Variants in PITPNM3 observed in about 807,000 individuals in gnomAD.
PITPNM3 encodes the protein PITPNM family member 3.
Under a neutral mutation model 102.0 loss-of-function variants are expected in PITPNM3, and 26 were observed. That is an observed-to-expected ratio of 0.25 (90% CI 0.19 to 0.35). The LOEUF is 0.35. PITPNM3 is among the 10% of genes least tolerant of loss of function. The pLI is 1.00. For synonymous variants in PITPNM3, 578 were observed against 558.6 expected, an observed-to-expected ratio of 1.03 and a Z score of -0.49; for missense variants, 1,083 against 1,346.1, an observed-to-expected ratio of 0.80 and a Z score of 3.06.
intron 3 of PITPNM3, among the ~76,000 whole-genome samples, chr17:6,522,828 T>C (rs532763169): frequency 1.3e-5 from 2 of 152,272 alleles, no homozygotes; most frequent in East Asian, 3.9e-4. Flanking sequence ...CCTTACTGCA[T>C]AGTAACCCCT....
intron 4 of PITPNM3, among the ~76,000 whole-genome samples, chr17:6,495,281 G>GT (rs957530260): frequency 7.9e-5 from 12 of 151,330 alleles, no homozygotes; most frequent in African/African-American, 2.7e-4. Context: ...TAGCAGGGTG[G>GT]TTTTTTTTTA....
intron 1 of PITPNM3, among the ~76,000 whole-genome samples, chr17:6,551,410 A>G (rs1167432949): frequency 2.0e-5 from 3 of 151,998 alleles, no homozygotes; most frequent in African/African-American, 7.2e-5. Flanking sequence ...GTCTGATTTG[A>G]CCATATTTGA....
intron 9 of PITPNM3, 146 bp downstream of exon 9, chr17:6,476,883 A>T: frequency 2.0e-6 from 2 of 985,490 alleles, no homozygotes; most frequent in Non-Finnish European, 1.5e-6. Context: ...CCCTCAGTAC[A>T]GGGCCGATGG....
In PITPNM3 at chr17:6,474,591, C is replaced by T. The variant is rs774462906; in HGVS notation, c.1099G>A (p.Val367Met). Residue 367 changes from valine (V) to methionine (M), a missense_variant, in exon 10 of 20, where the codon GTG becomes ATG. Transcript: ENST00000262483. Reference sequence around the variant, plus strand: ...GGGGTCTCAGACTCATCCTTTAGCACGCTGGAGTGGATGCTGCGGAGGGAG... The same window carrying T: ...GGGGTCTCAGACTCATCCTTTAGCATGCTGGAGTGGATGCTGCGGAGGGAG... The part of the protein sequence containing the change: ...HAFLSSIHSS[V>M]LKDESETPAA... 1.5e-5 allele frequency: 23 copies of T among 1,570,664 alleles called. No homozygotes were observed. In the East Asian group the frequency reaches 3.6e-4, roughly 24 times the overall value.
intron 4 of PITPNM3, among the ~76,000 whole-genome samples, chr17:6,491,914 A>T (rs1291311182): frequency 1.3e-5 from 1 of 74,148 alleles, no homozygotes; most frequent in East Asian, 2.9e-4. Context: ...CATGGCTCAC[A>T]ACTGTAATAT....
At chr17:6,497,349 C>A (rs1387546079) in intron 4 of PITPNM3, among the ~76,000 whole-genome samples, 1 of 152,200 alleles carries the variant, frequency 6.6e-6, no homozygotes, top group Non-Finnish European at 1.5e-5. Context: ...GAAGTCAAAC[C>A]ACATGCCCAC....
Position 6,464,150 on chromosome 17 carries a change from G to A in PITPNM3, c.2156+20C>T, listed in dbSNP as rs75323938. 24,260 of 1,614,096 alleles carry A rather than the reference G, an allele frequency of 0.015. 227 individuals are homozygous for A. The highest frequency in any genetic ancestry group is 0.019 in the Non-Finnish European group (22,113 of 1,179,998). ...ATAGAAATGAGAGAAACCACCCTGA[G>A]AATGGCCCCTGGGTCTTACCTGACG... On this transcript the variant is annotated intron_variant, in intron 16 of 19. Transcript: ENST00000262483.
intron 3 of PITPNM3, among the ~76,000 whole-genome samples, chr17:6,506,383 T>C (rs893162088): frequency 6.7e-6 from 1 of 150,106 alleles, no homozygotes; most frequent in Non-Finnish European, 1.5e-5. Context: ...TTCTCTCTTT[T>C]TTTTTTTTTG....
At position 6,502,262 on chromosome 17, in the gene PITPNM3, G is replaced by A. The variant is rs190935923; in HGVS notation, c.274+1265C>T. Among the ~76,000 whole-genome samples, 866 of 152,324 alleles carry A rather than the reference G, an allele frequency of 5.7e-3. 9 individuals are homozygous for A. Among genetic ancestry groups the A allele is most frequent in the African/African-American group, 0.019 (802 of 41,578 alleles). On this transcript the variant is annotated intron_variant, in intron 4 of 19. Transcript: ENST00000262483. ...GTCAGGAGTTCAAGAGTAGTAGCCC[G>A]GCCAACATGGCAAAACCCCATCTCT...
chr17:6,535,424 G>A (rs945113811), intron 2 of PITPNM3, among the ~76,000 whole-genome samples: 5 of 152,158 alleles, frequency 3.3e-5, no homozygotes, highest in East Asian at 1.9e-4. Context: ...GAATGGAAAG[G>A]AGGTTAGCAG....
intron 4 of PITPNM3, among the ~76,000 whole-genome samples, chr17:6,495,349 G>A (rs1906736908): frequency 6.6e-6 from 1 of 152,082 alleles, no homozygotes; most frequent in African/African-American, 2.4e-5. Context: ...AAGGTTTGTG[G>A]CAGAGCTTCC....
rs754442529 is a variant in PITPNM3 at position 6,471,176 on chromosome 17, C to T, written c.1609G>A (p.Val537Met). Residue 537 changes from valine to methionine, a missense_variant, in exon 12 of 20, where the codon GTG (valine) becomes ATG (methionine). Coordinates refer to ENST00000262483, the MANE Select transcript of PITPNM3 (RefSeq NM_031220.4). ...SSESSDSMAPVGASRITAKWW... is the reference protein window; with the variant it reads ...SSESSDSMAPMGASRITAKWW... ...CCTCACTCACTGCGGGAGGCACCCACGGGTGCCATGCTGTCCGAGGACTCC... is the reference window on the plus strand; with the variant it reads ...CCTCACTCACTGCGGGAGGCACCCATGGGTGCCATGCTGTCCGAGGACTCC... The T allele has an allele frequency of 1.9e-5, 31 of 1,612,456 alleles. No individual in the cohort carries two copies. The highest frequency in any genetic ancestry group is 1.2e-4 in the African/African-American group (9 of 74,890).
chr17:6,512,100 T>G (rs1907899675), intron 3 of PITPNM3, among the ~76,000 whole-genome samples: 1 of 152,322 alleles, frequency 6.6e-6, no homozygotes, highest in Admixed American at 6.5e-5. Context: ...CAACCCCTGC[T>G]TATGCCAAGC....
intron 17 of PITPNM3, 22 bp from the exon 18 acceptor site, chr17:6,461,578 G>C: frequency 6.2e-7 from 1 of 1,613,168 alleles, no homozygotes; most frequent in Non-Finnish European, 8.5e-7. Context: ...GCATTAGAAG[G>C]GTCCAGCCCT....
chr17:6,464,129 A>G, intron 16 of PITPNM3, 41 bp downstream of exon 16: 1 of 1,613,956 alleles, frequency 6.2e-7, no homozygotes. Flanking sequence ...AGGGCCATAG[A>G]AATGAGAGAA....
In PITPNM3 at chr17:6,451,631, C is replaced by G. The variant is rs553844137; in HGVS notation, c.*3707G>C. 2.0e-5 allele frequency: 3 copies of G among 152,398 alleles called. No individual in the cohort carries two copies. The highest frequency in any genetic ancestry group is 6.5e-5 in the Admixed American group (1 of 15,306). The allele number at this position is 152,398 out of a possible 1,614,324, so 9.4% of individuals were successfully genotyped here. On this transcript the variant is annotated 3_prime_UTR_variant, in exon 20 of 20. Coordinates refer to ENST00000262483, the MANE Select transcript of PITPNM3 (RefSeq NM_031220.4). ...AGTCGCCCTCCTCTGGCCTGCCCCC[C>G]CTCGGGTCACCTGTTTCTCCTTTGC... is the stretch of plus-strand genomic sequence containing the variant.
At chr17:6,550,543 T>A (rs1910249553) in intron 1 of PITPNM3, among the ~76,000 whole-genome samples, 1 of 152,194 alleles carries the variant, frequency 6.6e-6, no homozygotes, top group Non-Finnish European at 1.5e-5. Context: ...GGGGAAAGGA[T>A]GCCGGATCTC....
intron 4 of PITPNM3, among the ~76,000 whole-genome samples, chr17:6,498,553 G>A (rs377083021): frequency 2.6e-5 from 4 of 152,250 alleles, no homozygotes; most frequent in East Asian, 1.9e-4. Context: ...CAGGGAGGCC[G>A]GGAGGCAGGG....
intron 3 of PITPNM3, among the ~76,000 whole-genome samples, chr17:6,504,137 G>C (rs186730697): frequency 3.0e-4 from 46 of 152,204 alleles, no homozygotes; most frequent in African/African-American, 1.1e-3. Flanking sequence ...CCAGGTCTCT[G>C]AGGAAGGTTT....
Sources: gnomAD v4.1 joint callset for allele counts (sites outside exome capture counted in the v4.1 genomes callset) on GRCh38, gnomAD v4.1.1 for gene constraint, MANE v1.5 for transcripts, NCBI Gene and HGNC (gene_info 2026-07-23, HGNC 2026-07-21) for gene names.